Variants in ENTHD1 observed in about 807,000 individuals in gnomAD.
ENTHD1 encodes ENTH domain containing 1.
In ENTHD1, 23 loss-of-function variants were observed where a neutral mutation model predicts 39.1. That is an observed-to-expected ratio of 0.59 (90% confidence interval 0.42 to 0.83). ENTHD1 has a LOEUF of 0.83. Among genes scored for constraint, ENTHD1 ranks in the 40% least tolerant of loss-of-function variants. ENTHD1 has a pLI of 0.00. For synonymous variants in ENTHD1, 230 were observed against 258.2 expected (o/e 0.89, Z 1.05); for missense variants, 624 against 705.4 (o/e 0.88, Z 1.31).
intron 5 of ENTHD1, among the ~76,000 whole-genome samples, chr22:39,787,755 G>T (rs1449665217): frequency 2.0e-5 from 3 of 152,192 alleles, no homozygotes; most frequent in Non-Finnish European, 4.4e-5. Context: ...TTTAAGGAAA[G>T]AAACCAACTC....
intron 2 of ENTHD1, among the ~76,000 whole-genome samples, chr22:39,872,661 T>C (rs1023388260): frequency 2.6e-5 from 4 of 152,170 alleles, no homozygotes; most frequent in Non-Finnish European, 5.9e-5. Flanking sequence ...AGGCAACTGG[T>C]ATGAGCACAT....
rs2065075618 is a variant in ENTHD1, at chr22:39,743,547, G to C, written c.*132C>G. ...GAAAGTATTAGTTTGAAAGATACTT[G>C]CTAATAAACCTGACAAGGAAAAATT... On this transcript the variant is annotated 3_prime_UTR_variant, in exon 7 of 7. Coordinates refer to ENST00000325157, the MANE Select transcript of ENTHD1 (RefSeq NM_152512.4). 1.9e-6 allele frequency: 2 copies of C among 1,056,424 alleles called. No individual in the cohort carries two copies. 65.4% of individuals were successfully genotyped at this position (1,056,424 alleles called of 1,614,324 possible).
rs199866862 is a variant in ENTHD1, at chr22:39,874,723, CT to C, written c.349+12676del. ...AGGCAAAATATTTGAGCAGGCAATA[CT>C]TGAACAGGCAAAAGATGTCCTTGTG... On this transcript the variant is annotated intron_variant, in intron 2 of 6. Transcript: ENST00000325157. 1.5e-4 allele frequency among the ~76,000 whole-genome samples: 23 copies of C among 152,266 alleles called. No individual in the cohort carries two copies. In the East Asian group the frequency reaches 3.9e-3, roughly 26 times the overall value.
At chr22:39,751,597 G>A (rs144031503) in intron 6 of ENTHD1, among the ~76,000 whole-genome samples, 1 of 152,312 alleles carries the variant, frequency 6.6e-6, no homozygotes, top group East Asian at 1.9e-4. Context: ...TTCCTGAGAA[G>A]TCATAGGCTT....
intron 5 of ENTHD1, among the ~76,000 whole-genome samples, chr22:39,785,583 T>C (rs113135601): frequency 0.061 from 9,242 of 152,270 alleles, 391 homozygotes; most frequent in South Asian, 0.13. Flanking sequence ...AATGTGGCCA[T>C]CCATGCCGTC....
At chr22:39,840,912 C>T (rs561195384) in intron 3 of ENTHD1, among the ~76,000 whole-genome samples, 4 of 152,264 alleles carry the variant, frequency 2.6e-5, no homozygotes, top group African/African-American at 7.2e-5. Flanking sequence ...ACCACTGCCC[C>T]TGGCTAATTT....
intron 3 of ENTHD1, among the ~76,000 whole-genome samples, chr22:39,841,914 TC>T (rs1177927368): frequency 5.3e-5 from 8 of 151,544 alleles, no homozygotes; most frequent in Non-Finnish European, 1.2e-4. Context: ...CTTCAGGAGC[TC>T]TTTTAGGGCA....
intron 4 of ENTHD1, among the ~76,000 whole-genome samples, chr22:39,835,071 C>T (rs951857457): frequency 5.3e-5 from 8 of 152,088 alleles, no homozygotes; most frequent in Non-Finnish European, 1.0e-4. Flanking sequence ...GATATAATTA[C>T]ATAGAACCAC....
chr22:39,866,527 TG>T (rs1285365630), intron 2 of ENTHD1, among the ~76,000 whole-genome samples: 2 of 152,236 alleles, frequency 1.3e-5, no homozygotes, highest in Non-Finnish European at 2.9e-5. Context: ...AGAGGTAACA[TG>T]GCTGAGTCTT....
chr22:39,764,338 T>C (rs935370397), intron 6 of ENTHD1, among the ~76,000 whole-genome samples: 1 of 151,706 alleles, frequency 6.6e-6, no homozygotes, highest in Non-Finnish European at 1.5e-5. Context: ...TAGCCAGGAG[T>C]GGTGGCATGC....
chr22:39,756,363 C>T (rs761489164), intron 6 of ENTHD1, among the ~76,000 whole-genome samples: 2 of 151,796 alleles, frequency 1.3e-5, no homozygotes, highest in Non-Finnish European at 2.9e-5. Context: ...CAGAGAGAGT[C>T]TCACTCTGTC....
At chr22:39,829,425 T>A (rs1238365406) in intron 4 of ENTHD1, among the ~76,000 whole-genome samples, 1 of 149,288 alleles carries the variant, frequency 6.7e-6, no homozygotes, top group Non-Finnish European at 1.5e-5. Flanking sequence ...CCAAAGCACA[T>A]AGGATTATTC....
intron 1 of ENTHD1, among the ~76,000 whole-genome samples, chr22:39,890,396 C>T (rs541195573): frequency 9.2e-5 from 14 of 151,906 alleles, no homozygotes; most frequent in African/African-American, 3.4e-4. Flanking sequence ...TTTCCTTCTA[C>T]CAAACTCACT....
chr22:39,884,029 G>A (rs3021224), intron 2 of ENTHD1, among the ~76,000 whole-genome samples: 16,842 of 151,440 alleles, frequency 0.11, 1,078 homozygotes, highest in African/African-American at 0.14. Flanking sequence ...ACACAGCACT[G>A]TTGAAAGAAA....
intron 2 of ENTHD1, among the ~76,000 whole-genome samples, chr22:39,864,903 A>T (rs2066171568): frequency 6.6e-6 from 1 of 152,182 alleles, no homozygotes; most frequent in Non-Finnish European, 1.5e-5. Flanking sequence ...AAAACAAAAC[A>T]AAAAATTTAC....
chr22:39,865,596 A>T (rs1470871993), intron 2 of ENTHD1, among the ~76,000 whole-genome samples: 4 of 152,238 alleles, frequency 2.6e-5, no homozygotes, highest in Non-Finnish European at 5.9e-5. Flanking sequence ...CAGCAAAATT[A>T]AGAAATGGAG....
chr22:39,831,370 G>A (rs1404284134), intron 4 of ENTHD1, among the ~76,000 whole-genome samples: 1 of 152,134 alleles, frequency 6.6e-6, no homozygotes, highest in Non-Finnish European at 1.5e-5. Flanking sequence ...GTGTCAGGAG[G>A]AGGCAAAATG....
chr22:39,766,019 C>CAAAAAAAAAA (rs11367784), intron 5 of ENTHD1, among the ~76,000 whole-genome samples: 639 of 48,442 alleles, frequency 0.013, 2 homozygotes, highest in South Asian at 0.019. Context: ...CCCTCAGCTA[C>CAAAAAAAAAA]AAAAAAAAAA....
At chr22:39,840,718 C>A (rs540853394) in intron 3 of ENTHD1, among the ~76,000 whole-genome samples, 1 of 152,124 alleles carries the variant, frequency 6.6e-6, no homozygotes, top group Non-Finnish European at 1.5e-5. Context: ...GAATTTGGAA[C>A]CTTGACTCCA....
Sources: allele counts gnomAD v4.1 joint callset (sites outside exome capture counted in the v4.1 genomes callset), GRCh38; gene constraint gnomAD v4.1.1; transcripts MANE v1.5; gene names NCBI Gene and HGNC (gene_info 2026-07-23, HGNC 2026-07-21).